Variants in TDRD9 observed in about 807,000 individuals in gnomAD.
TDRD9 encodes the protein tudor domain containing 9, also known as ATP-dependent RNA helicase TDRD9.
In TDRD9, 124 loss-of-function variants were observed where a neutral mutation model predicts 172.6. The ratio of observed to expected loss-of-function variants is 0.72; its 90% confidence interval spans 0.62 to 0.83. The LOEUF is 0.83. Ranked by LOEUF, TDRD9 falls within the 40% of genes least tolerant of loss-of-function variation. TDRD9 has a pLI of 0.00. For synonymous variants in TDRD9, 619 were observed against 617.1 expected (o/e 1.00, Z -0.05); for missense variants, 1,479 against 1,714.1 (o/e 0.86, Z 2.42).
rs1417680464 is a variant in TDRD9 at position 103,997,510 on chromosome 14, G to A, written c.1379-1114G>A. 6.6e-6 allele frequency among the ~76,000 whole-genome samples: 1 copy of A among 152,222 alleles called. No homozygotes were observed. The highest frequency in any genetic ancestry group is 1.5e-5 in the Non-Finnish European group (1 of 68,032). ...CTGGGATTCGGGCTGAGACGTGCTA[G>A]ATGTTCAGGTGGAGGTGTCATGGAA... On this transcript the variant is annotated intron_variant, in intron 12 of 35. Coordinates refer to ENST00000409874, the MANE Select transcript of TDRD9 (RefSeq NM_153046.3). The surrounding 1 kb of genome is among the most constrained non-coding windows in gnomAD (Gnocchi z 5.1).
chr14:103,998,364 G>A (rs1018540404), intron 12 of TDRD9, among the ~76,000 whole-genome samples: 1 of 152,012 alleles, frequency 6.6e-6, no homozygotes, highest in Non-Finnish European at 1.5e-5. Context: ...TGCAGTCCAG[G>A]TAGGCCTTTT....
At chr14:103,931,980 C>T (rs1395053011) in intron 1 of TDRD9, among the ~76,000 whole-genome samples, 1 of 152,144 alleles carries the variant, frequency 6.6e-6, no homozygotes, top group African/African-American at 2.4e-5. Context: ...CTCAGTCCTA[C>T]AATTGCAAGG....
intron 9 of TDRD9, among the ~76,000 whole-genome samples, chr14:103,992,638 A>G (rs2033909048): frequency 6.6e-6 from 1 of 152,070 alleles, no homozygotes; most frequent in African/African-American, 2.4e-5. Flanking sequence ...AGAACACCTA[A>G]CACGGACGGG....
intron 23 of TDRD9, among the ~76,000 whole-genome samples, chr14:104,021,302 T>G (rs543715457): frequency 1.3e-5 from 2 of 152,294 alleles, no homozygotes; most frequent in East Asian, 3.9e-4. Context: ...TATTGGAGAT[T>G]ACAATTCGAC....
chr14:103,993,183 T>G (rs75430403), intron 9 of TDRD9, among the ~76,000 whole-genome samples: 240 of 151,834 alleles, frequency 1.6e-3, no homozygotes, highest in African/African-American at 5.6e-3. Flanking sequence ...TTAACTAGCT[T>G]GCACAGGCTA....
intron 20 of TDRD9, among the ~76,000 whole-genome samples, chr14:104,009,968 T>G (rs956955029): frequency 8.0e-5 from 12 of 149,564 alleles, no homozygotes; most frequent in Non-Finnish European, 1.6e-4. Context: ...TTTTTTGAGA[T>G]GGAGTCTTGC....
chr14:103,978,471 A>C (rs1157142800), intron 7 of TDRD9, among the ~76,000 whole-genome samples: 2 of 152,006 alleles, frequency 1.3e-5, no homozygotes, highest in Non-Finnish European at 2.9e-5. Flanking sequence ...ACTAAACTTC[A>C]CTTTATTTGG....
intron 8 of TDRD9, 116 bp downstream of exon 8, chr14:103,986,436 T>C: frequency 1.5e-6 from 1 of 689,416 alleles, no homozygotes; most frequent in East Asian, 2.9e-5. Context: ...ACTTTTTTAG[T>C]AGTTACTGTA....
intron 1 of TDRD9, among the ~76,000 whole-genome samples, chr14:103,932,060 G>A (rs566675675): frequency 1.3e-5 from 2 of 152,304 alleles, no homozygotes; most frequent in South Asian, 2.1e-4. Context: ...TGAATGCACT[G>A]CCAGTAGGGA....
chr14:103,952,212 ATATATATATTTTTTTTT>A (rs2031940878), intron 1 of TDRD9, among the ~76,000 whole-genome samples: 1 of 66,404 alleles, frequency 1.5e-5, no homozygotes, highest in South Asian at 5.3e-4. Context: ...ATATATATAT[ATATATATATTTTTTTTT>A]TTTTTTTTTT....
intron 27 of TDRD9, among the ~76,000 whole-genome samples, 163 bp downstream of exon 27, chr14:104,026,299 C>G (rs1303475917): frequency 2.0e-5 from 3 of 152,148 alleles, no homozygotes; most frequent in Non-Finnish European, 2.9e-5. Flanking sequence ...TTGGTTTCTG[C>G]TCTTCCAAAA....
intron 1 of TDRD9, among the ~76,000 whole-genome samples, chr14:103,938,721 G>C (rs1186841689): frequency 6.6e-6 from 1 of 151,970 alleles, no homozygotes; most frequent in Non-Finnish European, 1.5e-5. Flanking sequence ...ACAGGCGTGA[G>C]CCACCGTGCC....
At chr14:103,968,221 G>C (rs577503329) in intron 5 of TDRD9, among the ~76,000 whole-genome samples, 1 of 152,362 alleles carries the variant, frequency 6.6e-6, no homozygotes, top group Admixed American at 6.5e-5. Flanking sequence ...CTACTGGGGA[G>C]CGGTAACCAA....
intron 1 of TDRD9, among the ~76,000 whole-genome samples, chr14:103,945,892 G>A (rs1238076172): frequency 6.6e-6 from 1 of 151,872 alleles, no homozygotes; most frequent in African/African-American, 2.4e-5. Context: ...AATCAGGGCT[G>A]CTTTATATAG....
intron 25 of TDRD9, 94 bp from the exon 26 acceptor site, chr14:104,025,470 C>T: frequency 2.2e-6 from 2 of 912,858 alleles, no homozygotes; most frequent in Non-Finnish European, 3.4e-6. Flanking sequence ...AGGTGTCGTA[C>T]AGCACAGGGT....
chr14:103,941,237 G>A, intron 1 of TDRD9: 1 of 950,464 alleles, frequency 1.1e-6, no homozygotes, highest in Non-Finnish European at 1.5e-6. Context: ...TTAAAATTAT[G>A]CTTCTAGTAA....
intron 7 of TDRD9, among the ~76,000 whole-genome samples, 189 bp downstream of exon 7, chr14:103,975,742 G>C (rs1422395353): frequency 3.9e-5 from 6 of 152,176 alleles, no homozygotes; most frequent in African/African-American, 1.4e-4. Context: ...TCATGATCAA[G>C]TCAAGGTAAT....
intron 1 of TDRD9, among the ~76,000 whole-genome samples, chr14:103,932,449 G>T (rs1453081803): frequency 6.6e-6 from 1 of 151,794 alleles, no homozygotes; most frequent in Admixed American, 6.6e-5. Context: ...GTGTAGTGGC[G>T]CCATCTCGGC....
chr14:103,955,754 A>G lies in TDRD9; in HGVS notation c.306A>G (p.Gln102=), dbSNP rs1474976506. Residue 102 remains glutamine, a synonymous_variant, in exon 2 of 36, where the codon CAA becomes CAG. Coordinates refer to ENST00000409874, the MANE Select transcript of TDRD9 (RefSeq NM_153046.3). ...AGCTTGATGTGTGTCGCAGTGTCCA[A>G]CCAACCAGTGGGCCAGGTAAACAGG... ...AQELDVCRSV[Q]PTSGPGPRPS... is the part of the protein sequence containing the mutation. 8 of 1,551,208 alleles carry G rather than the reference A, an allele frequency of 5.2e-6. No individual in the cohort carries two copies. Among genetic ancestry groups the G allele is most frequent in the Non-Finnish European group, 7.0e-6 (8 of 1,146,792 alleles).
Sources: gnomAD v4.1 joint callset for allele counts (sites outside exome capture counted in the v4.1 genomes callset) on GRCh38, gnomAD v4.1.1 for gene constraint, Gnocchi (gnomAD v3.1) non-coding constraint, MANE v1.5 for transcripts, NCBI Gene and HGNC (gene_info 2026-07-23, HGNC 2026-07-21) for gene names.